Variants in SCN1A observed in about 807,000 individuals in gnomAD.
The protein encoded by SCN1A is sodium channel protein type 1 subunit alpha.
A neutral mutation model predicts 193.7 loss-of-function variants in SCN1A; 13 were observed. That is an observed-to-expected ratio of 0.07 (90% CI 0.04 to 0.11). The LOEUF (loss-of-function observed/expected upper bound fraction) is 0.11, where lower values mean the gene tolerates loss of function less well. SCN1A is among the 10% of genes least tolerant of loss of function. The pLI is 1.00. For synonymous variants in SCN1A, 781 were observed against 843.6 expected (o/e 0.93, Z 1.29); for missense variants, 1,432 against 2,451.1 (o/e 0.58, Z 8.78).
At chr2:166,118,744 C>T (rs1405283585) in intron 2 of SCN1A, among the ~76,000 whole-genome samples, 8 of 152,134 alleles carry the variant, frequency 5.3e-5, no homozygotes, top group Non-Finnish European at 1.2e-4. Context: ...CACTGAATTT[C>T]TTAGATTGAA....
chr2:166,015,474 C>A, intron 20 of SCN1A, 133 bp downstream of exon 20: 1 of 1,083,646 alleles, frequency 9.2e-7, no homozygotes, highest in Non-Finnish European at 1.4e-6. Flanking sequence ...TTTTGTCTGT[C>A]AACATATTAG....
chr2:166,020,882 C>A (rs1053043138), intron 19 of SCN1A, among the ~76,000 whole-genome samples: 1 of 151,878 alleles, frequency 6.6e-6, no homozygotes. Flanking sequence ...CATGCTAAAA[C>A]ATTGATGTAG....
At chr2:166,062,074 A>C (rs764176138) in intron 4 of SCN1A, among the ~76,000 whole-genome samples, 2 of 152,168 alleles carry the variant, frequency 1.3e-5, no homozygotes, top group African/African-American at 2.4e-5. Flanking sequence ...AATTTTTCAT[A>C]AGACATACTG....
chr2:166,017,697 A>G (rs910772845), intron 19 of SCN1A, among the ~76,000 whole-genome samples: 2 of 152,058 alleles, frequency 1.3e-5, no homozygotes, highest in African/African-American at 2.4e-5. Flanking sequence ...ACAATTAGAG[A>G]GTGGAATTTG....
At chr2:166,136,239 T>G (rs1271124785) in intron 1 of SCN1A, among the ~76,000 whole-genome samples, 1 of 152,056 alleles carries the variant, frequency 6.6e-6, no homozygotes, top group Non-Finnish European at 1.5e-5. Context: ...ACCTTCTGAG[T>G]CTGCACCCCT....
At chr2:166,130,340 A>C (rs1691607912), upstream of SCN1A, among the ~76,000 whole-genome samples, 1 of 152,202 alleles carries the variant, frequency 6.6e-6, no homozygotes, top group Non-Finnish European at 1.5e-5. Flanking sequence ...AACATCGGCA[A>C]ACAAACCAGA....
At chr2:166,083,709 C>A (rs976487235) in intron 2 of SCN1A, among the ~76,000 whole-genome samples, 1 of 151,930 alleles carries the variant, frequency 6.6e-6, no homozygotes, top group African/African-American at 2.4e-5. Context: ...AGAGTAAGAC[C>A]ATGGATAGTT....
intron 23 of SCN1A, chr2:166,003,002 G>A (rs1156348908): frequency 3.4e-6 from 1 of 293,916 alleles, no homozygotes. Flanking sequence ...AAAAAGGGAG[G>A]GAGAAGCATT....
rs1390205269 is a variant in SCN1A at position 166,037,772 on chromosome 2, A to G, written c.2946+4T>C. The G allele has an allele frequency of 7.4e-6, 12 of 1,613,884 alleles. No individual in the cohort carries two copies. The highest frequency in any genetic ancestry group is 1.0e-5 in the Non-Finnish European group (12 of 1,179,784). On this transcript the variant is annotated splice_donor_region_variant and intron_variant, in intron 18 of 28. Transcript: ENST00000674923. ...CAAAATGCATATCTTAAGTGGGTAC[A>G]TACCACTAGGTTTCCAATCACCATG...
rs8191985 is a variant in SCN1A at position 166,083,842 on chromosome 2, G to A, written c.-141-6041C>T. Among the ~76,000 whole-genome samples the A allele has an allele frequency of 6.9e-3, 1,050 of 152,238 alleles. 87 individuals carry two copies. The East Asian group carries it at 0.18, about 26-fold the overall frequency. On this transcript the variant is annotated intron_variant, in intron 2 of 28. Coordinates refer to ENST00000674923, the MANE Select transcript of SCN1A (RefSeq NM_001165963.4). The stretch of plus-strand genomic sequence containing the variant: ...CAAGAATATAGTAATGACTGTCATT[G>A]TAAGTAAATTATTTAAGTTAACCTC...
rs200856491 is a variant in SCN1A at position 166,042,326 on chromosome 2, C to T, written c.2142G>A (p.Met714Ile). Residue 714 changes from methionine to isoleucine, a missense_variant, in exon 15 of 29, where the codon ATG (methionine) becomes ATA (isoleucine). Transcript: ENST00000674923. ...LEDPSQRQRA[M>I]SIASILTNTV... ...TATTTGTTAGAATGCTGGCTATACT[C>T]ATTGCTCGTTGCCTTTGGGAAGGAT... 6.2e-7 allele frequency: 1 copy of T among 1,613,920 alleles called. No individual in the cohort carries two copies. The highest frequency in any genetic ancestry group is 8.5e-7 in the Non-Finnish European group (1 of 1,179,886).
intron 2 of SCN1A, chr2:166,126,531 C>A (rs1691262668): frequency 6.6e-6 from 1 of 152,168 alleles, no homozygotes; most frequent in African/African-American, 2.4e-5. Context: ...GAATCACCAA[C>A]CTCAGCATGG....
Position 166,027,488 on chromosome 2 carries a change from CA to C in SCN1A, c.3429+8559del, listed in dbSNP as rs1198530461. Among the ~76,000 whole-genome samples the C allele has an allele frequency of 2.0e-5, 3 of 151,562 alleles. No individual in the cohort carries two copies. In the East Asian group the frequency reaches 5.8e-4, roughly 29 times the overall value. ...TTATTTATAGAGTTTAGTAGGAGTT[CA>C]AATTATAATAAGTAATATAAATAAA... On this transcript the variant is annotated intron_variant, in intron 19 of 28. Transcript: ENST00000674923.
At position 166,139,606 on chromosome 2, in the gene SCN1A, T is replaced by C. The variant is rs1372501611; in HGVS notation, c.-50+9441A>G. ...TTTTTCTTTTGTAAATTGCCCAGTG[T>C]ATTAGTTCATTTTCATGCTGCTGAT... On this transcript the variant is annotated intron_variant, in intron 1 of 26. Coordinates refer to the SCN1A transcript ENST00000635750. Among the ~76,000 whole-genome samples, 3 of 152,200 alleles carry C rather than the reference T, an allele frequency of 2.0e-5. No homozygotes were observed. In the East Asian group the frequency reaches 5.8e-4, roughly 29 times the overall value.
intron 17 of SCN1A, 79 bp from the exon 18 acceptor site, chr2:166,038,211 AT>A: frequency 1.8e-6 from 2 of 1,126,738 alleles, no homozygotes; most frequent in Non-Finnish European, 2.5e-6. Context: ...AGAAATGGTC[AT>A]TAGAATTCAA....
At chr2:166,089,694 T>C (rs1686560126) in intron 2 of SCN1A, among the ~76,000 whole-genome samples, 1 of 152,008 alleles carries the variant, frequency 6.6e-6, no homozygotes, top group Non-Finnish European at 1.5e-5. Flanking sequence ...AGAGACTATA[T>C]AAAAAGATGG....
Position 165,990,937 on chromosome 2 carries a change from C to T in SCN1A, c.*308G>A. 9.5e-6 allele frequency: 3 copies of T among 317,452 alleles called. No individual in the cohort carries two copies. The highest frequency in any genetic ancestry group is 1.7e-5 in the Non-Finnish European group (3 of 171,802). The allele number at this position is 317,452 out of a possible 1,614,324, so 19.7% of individuals were successfully genotyped here. A position where few individuals can be genotyped will look rare whatever the true frequency, so the allele number is the denominator to read the frequency against. On this transcript the variant is annotated 3_prime_UTR_variant, in exon 29 of 29. Coordinates refer to ENST00000674923, the MANE Select transcript of SCN1A (RefSeq NM_001165963.4). ...CTAAAGTGTTTCATGTTAAACAACCCCAAAATCACAGGTTTGCACCCCTTG... is the reference window on the plus strand; with the variant it reads ...CTAAAGTGTTTCATGTTAAACAACCTCAAAATCACAGGTTTGCACCCCTTG...
intron 2 of SCN1A, among the ~76,000 whole-genome samples, chr2:166,125,799 T>C (rs1008830287): frequency 6.6e-6 from 1 of 152,080 alleles, no homozygotes; most frequent in Non-Finnish European, 1.5e-5. Context: ...CCCCAGCCCA[T>C]AGATGGACAA....
intron 23 of SCN1A, among the ~76,000 whole-genome samples, chr2:166,007,609 C>T (rs907973413): frequency 2.0e-5 from 3 of 151,324 alleles, no homozygotes; most frequent in African/African-American, 7.3e-5. Context: ...GTGCATAAAA[C>T]ATGCAAAACA....
Sources: allele counts gnomAD v4.1 joint callset (sites outside exome capture counted in the v4.1 genomes callset), GRCh38; gene constraint gnomAD v4.1.1; transcripts MANE v1.5; gene names NCBI Gene and HGNC (gene_info 2026-07-23, HGNC 2026-07-21).